The following CADPS2 variants were observed in gnomAD, a reference collection of about 807,000 sequenced individuals.
CADPS2 encodes the protein calcium dependent secretion activator 2.
In CADPS2, 93 loss-of-function variants were observed where a neutral mutation model predicts 172.5. The observed-to-expected ratio is 0.54, with a 90% CI of 0.46 to 0.64. CADPS2 has a LOEUF of 0.64. Among genes scored for constraint, CADPS2 ranks in the 30% least tolerant of loss-of-function variants. CADPS2 has a pLI of 0.00. For synonymous variants in CADPS2, 546 were observed against 555.2 expected, an observed-to-expected ratio of 0.98 and a Z score of 0.23; for missense variants, 1,420 against 1,565.9, an observed-to-expected ratio of 0.91 and a Z score of 1.57.
At chr7:122,599,506 T>C (rs2072420306) in intron 6 of CADPS2, among the ~76,000 whole-genome samples, 1 of 152,144 alleles carries the variant, frequency 6.6e-6, no homozygotes, top group Non-Finnish European at 1.5e-5. Flanking sequence ...AAATACCACA[T>C]ACTGAGTTGA....
intron 8 of CADPS2, among the ~76,000 whole-genome samples, chr7:122,535,896 G>A (rs1256476603): frequency 6.6e-6 from 1 of 151,994 alleles, no homozygotes; most frequent in Non-Finnish European, 1.5e-5. Context: ...ATAAAGTGAG[G>A]ATAAAGAAGG....
intron 1 of CADPS2, among the ~76,000 whole-genome samples, chr7:122,813,640 G>A (rs1007519680): frequency 3.9e-5 from 6 of 152,028 alleles, no homozygotes; most frequent in African/African-American, 1.4e-4. Flanking sequence ...ATGCATGGAG[G>A]CTGCAAAGGG....
chr7:122,687,726 T>C (rs1259997414), intron 2 of CADPS2, among the ~76,000 whole-genome samples: 1 of 152,202 alleles, frequency 6.6e-6, no homozygotes, highest in African/African-American at 2.4e-5. Context: ...TAAGCATTCT[T>C]GGGTGACAAA....
intron 6 of CADPS2, among the ~76,000 whole-genome samples, chr7:122,610,437 A>C (rs1304123798): frequency 6.6e-6 from 1 of 152,106 alleles, no homozygotes; most frequent in Non-Finnish European, 1.5e-5. Flanking sequence ...ATAAGCAAAA[A>C]AAAAAATCCA....
chr7:122,738,476 A>G (rs564954631), intron 1 of CADPS2, among the ~76,000 whole-genome samples: 1 of 152,078 alleles, frequency 6.6e-6, no homozygotes, highest in Admixed American at 6.6e-5. Flanking sequence ...TCCAAAATAC[A>G]TAAGAAACAG....
At chr7:122,404,380 T>C (rs1299624160) in intron 20 of CADPS2, among the ~76,000 whole-genome samples, 2 of 152,224 alleles carry the variant, frequency 1.3e-5, no homozygotes, top group East Asian at 3.8e-4. Context: ...CATTTCTTAA[T>C]CCAGTCTATC....
intron 19 of CADPS2, among the ~76,000 whole-genome samples, chr7:122,410,331 G>A (rs2047149381): frequency 1.3e-5 from 2 of 151,632 alleles, no homozygotes; most frequent in African/African-American, 2.4e-5. Flanking sequence ...GTGACAGAGC[G>A]AGACACTGTC....
intron 1 of CADPS2, among the ~76,000 whole-genome samples, chr7:122,755,729 TAA>T (rs775668115): frequency 6.6e-5 from 9 of 137,368 alleles, no homozygotes; most frequent in Admixed American, 7.3e-5. Flanking sequence ...TTAGAGAGGC[TAA>T]AAAAAAAAAA....
chr7:122,498,426 CCT>C (rs753826540), intron 9 of CADPS2, among the ~76,000 whole-genome samples: 7 of 152,074 alleles, frequency 4.6e-5, no homozygotes, highest in Non-Finnish European at 8.8e-5. Context: ...TTAAATGTTG[CCT>C]CTGTCACATT....
intron 17 of CADPS2, among the ~76,000 whole-genome samples, chr7:122,434,777 C>A (rs2050422528): frequency 6.6e-6 from 1 of 152,224 alleles, no homozygotes; most frequent in Non-Finnish European, 1.5e-5. Context: ...GATTTCATAA[C>A]CCTTGTTCAT....
At chr7:122,765,938 C>T (rs909982813) in intron 1 of CADPS2, among the ~76,000 whole-genome samples, 2 of 151,956 alleles carry the variant, frequency 1.3e-5, no homozygotes, top group Non-Finnish European at 1.5e-5. Context: ...ACGTCTTAGT[C>T]CATTTTGTGT....
intron 8 of CADPS2, among the ~76,000 whole-genome samples, chr7:122,517,697 A>G (rs553303625): frequency 6.6e-6 from 1 of 152,192 alleles, no homozygotes; most frequent in East Asian, 1.9e-4. Flanking sequence ...GAGACATCCT[A>G]TAAGCTTTCA....
chr7:122,656,115 T>C (rs919243871), intron 3 of CADPS2, among the ~76,000 whole-genome samples: 1 of 152,110 alleles, frequency 6.6e-6, no homozygotes, highest in Non-Finnish European at 1.5e-5. Flanking sequence ...TGTCTAGTAA[T>C]TTTGAAAAAT....
intron 1 of CADPS2, among the ~76,000 whole-genome samples, chr7:122,879,523 A>G (rs926327821): frequency 6.6e-6 from 1 of 152,144 alleles, no homozygotes; most frequent in Non-Finnish European, 1.5e-5. Context: ...CAACAGAGCA[A>G]GACTCCATCT....
chr7:122,754,418 A>T (rs1299489159), intron 1 of CADPS2, among the ~76,000 whole-genome samples: 1 of 152,334 alleles, frequency 6.6e-6, no homozygotes, highest in South Asian at 2.1e-4. Context: ...TGACTTACTA[A>T]AAGGCCTTGA....
At chr7:122,688,361 T>C (rs1040284703) in intron 2 of CADPS2, among the ~76,000 whole-genome samples, 1 of 152,224 alleles carries the variant, frequency 6.6e-6, no homozygotes, top group Non-Finnish European at 1.5e-5. Flanking sequence ...ATATTTTCAC[T>C]TTATCACTCC....
intron 19 of CADPS2, among the ~76,000 whole-genome samples, chr7:122,411,211 G>C (rs2047266563): frequency 6.7e-6 from 1 of 149,250 alleles, no homozygotes; most frequent in African/African-American, 2.5e-5. Context: ...TAAAACCTGA[G>C]GCCTTTGATT....
chr7:122,700,420 C>T (rs1226938704), intron 2 of CADPS2, among the ~76,000 whole-genome samples: 1 of 152,122 alleles, frequency 6.6e-6, no homozygotes, highest in Non-Finnish European at 1.5e-5. Flanking sequence ...GGTTGATTTT[C>T]TCTCCCAAAG....
At chr7:122,473,004 T>C (rs79377101) in intron 13 of CADPS2, among the ~76,000 whole-genome samples, 3,810 of 152,182 alleles carry the variant, frequency 0.025, 144 homozygotes, top group African/African-American at 0.087. Flanking sequence ...GTCCCAGACC[T>C]GGGAAGCTCC....
Sources: gnomAD v4.1 joint callset for allele counts (sites outside exome capture counted in the v4.1 genomes callset) on GRCh38, gnomAD v4.1.1 for gene constraint, MANE v1.5 for transcripts, NCBI Gene and HGNC (gene_info 2026-07-23, HGNC 2026-07-21) for gene names.